The following PRKCE variants were observed in gnomAD, a reference collection of about 807,000 sequenced individuals.
The protein encoded by PRKCE is protein kinase C epsilon type.
Under a neutral mutation model 85.4 loss-of-function variants are expected in PRKCE, and 16 were observed. The observed-to-expected ratio is 0.19, with a 90% CI of 0.13 to 0.28. PRKCE has a LOEUF of 0.28. Among genes scored for constraint, PRKCE ranks in the 10% least tolerant of loss-of-function variants. PRKCE has a pLI of 1.00. For missense variants in PRKCE, 573 were observed against 975.2 expected, an observed-to-expected ratio of 0.59 and a Z score of 5.49; for synonymous variants, 388 against 371.5, an observed-to-expected ratio of 1.04 and a Z score of -0.51.
intron 14 of PRKCE, among the ~76,000 whole-genome samples, chr2:46,170,947 A>C (rs1678834024): frequency 6.6e-6 from 1 of 152,234 alleles, no homozygotes; most frequent in Non-Finnish European, 1.5e-5. Flanking sequence ...TTGGATACCA[A>C]AAATGTCCCT....
chr2:45,693,691 C>G (rs1677919925), intron 1 of PRKCE, among the ~76,000 whole-genome samples: 1 of 152,078 alleles, frequency 6.6e-6, no homozygotes, highest in Non-Finnish European at 1.5e-5. Context: ...GGGGCAGAAT[C>G]CAAATTGCAA....
At chr2:45,901,505 T>C (rs1273744942) in intron 2 of PRKCE, among the ~76,000 whole-genome samples, 1 of 152,242 alleles carries the variant, frequency 6.6e-6, no homozygotes, top group African/African-American at 2.4e-5. Context: ...GTATGGCTGA[T>C]AGATTTTTAA....
rs1329498660 is a variant in PRKCE, at chr2:46,139,351, A to G, written c.1593-5742A>G. Among the ~76,000 whole-genome samples the G allele has an allele frequency of 1.3e-5, 2 of 152,182 alleles. No individual in the cohort carries two copies. The highest frequency in any genetic ancestry group is 4.8e-5 in the African/African-American group (2 of 41,448). ...GGCACAGAATGATAAACATAAATCAATACCTAGCCTATACATGTGTGAGCA... is the reference window on the plus strand; with the variant it reads ...GGCACAGAATGATAAACATAAATCAGTACCTAGCCTATACATGTGTGAGCA... On this transcript the variant is annotated intron_variant, in intron 11 of 14. Coordinates refer to ENST00000306156, the MANE Select transcript of PRKCE (RefSeq NM_005400.3). This position sits in a 1 kb window ranked among gnomAD's most constrained non-coding sequence, Gnocchi z 5.2.
intron 11 of PRKCE, among the ~76,000 whole-genome samples, chr2:46,090,206 A>G (rs1425647062): frequency 6.6e-6 from 1 of 152,206 alleles, no homozygotes; most frequent in Admixed American, 6.5e-5. Flanking sequence ...TTGATTCAAT[A>G]GACCTGATAT....
chr2:46,130,915 C>A (rs1167389206), intron 11 of PRKCE, among the ~76,000 whole-genome samples: 1 of 152,206 alleles, frequency 6.6e-6, no homozygotes. Flanking sequence ...ACTTCCATGA[C>A]CTGAATCATA....
chr2:45,973,452 C>T (rs1034866950), intron 2 of PRKCE, among the ~76,000 whole-genome samples: 5 of 152,310 alleles, frequency 3.3e-5, no homozygotes, highest in Admixed American at 2.0e-4. Context: ...CTCCTGTGAC[C>T]TTCTGTTTTT....
At chr2:45,808,169 C>T (rs1318967334) in intron 1 of PRKCE, among the ~76,000 whole-genome samples, 5 of 152,096 alleles carry the variant, frequency 3.3e-5, no homozygotes. Context: ...TTCCCCCAAG[C>T]CAGAGTTATA....
intron 1 of PRKCE, among the ~76,000 whole-genome samples, chr2:45,819,908 G>T (rs1284996940): frequency 6.6e-6 from 1 of 152,126 alleles, no homozygotes; most frequent in Non-Finnish European, 1.5e-5. Flanking sequence ...GCTGGTTTGG[G>T]GCTGTGTCAT....
chr2:45,748,968 C>A (rs900378901), intron 1 of PRKCE, among the ~76,000 whole-genome samples: 3 of 151,154 alleles, frequency 2.0e-5, no homozygotes, highest in Non-Finnish European at 4.4e-5. Context: ...TGGCTCACTG[C>A]AACCTCTGCC....
rs114497484 is a variant in PRKCE, at chr2:45,850,902, C to A, written c.412+7839C>A. ...ATTTGCTTATCTAATATATACGAGG[C>A]CCTGGGGATGTAGAGCTAATGAACA... On this transcript the variant is annotated intron_variant, in intron 2 of 14. Transcript: ENST00000306156. 3.4e-3 allele frequency among the ~76,000 whole-genome samples: 516 copies of A among 152,248 alleles called. 3 individuals are homozygous for A. The highest frequency in any genetic ancestry group is 0.012 in the African/African-American group (481 of 41,540).
intron 6 of PRKCE, among the ~76,000 whole-genome samples, chr2:45,991,188 G>A (rs1214947514): frequency 2.7e-5 from 4 of 149,470 alleles, no homozygotes; most frequent in African/African-American, 9.9e-5. Flanking sequence ...TACATTTTTA[G>A]TAGAGATGGG....
At chr2:46,093,913 G>A (rs1218792196) in intron 11 of PRKCE, among the ~76,000 whole-genome samples, 4 of 152,050 alleles carry the variant, frequency 2.6e-5, no homozygotes, top group African/African-American at 9.7e-5. Flanking sequence ...ATACCATTTG[G>A]AATTCAGTTA....
At chr2:45,979,613 T>G (rs2595211) in intron 4 of PRKCE, among the ~76,000 whole-genome samples, 32,227 of 152,184 alleles carry the variant, frequency 0.21, 4,547 homozygotes, top group East Asian at 0.56. Flanking sequence ...GTGGTTTTGC[T>G]GAGGTTAGAG....
chr2:45,853,293 T>C (rs1692422620), intron 2 of PRKCE, among the ~76,000 whole-genome samples: 1 of 152,210 alleles, frequency 6.6e-6, no homozygotes, highest in Admixed American at 6.5e-5. Flanking sequence ...AAGGTCAAAA[T>C]GGACAACATC....
At chr2:45,766,372 A>G (rs1684909253) in intron 1 of PRKCE, among the ~76,000 whole-genome samples, 1 of 152,206 alleles carries the variant, frequency 6.6e-6, no homozygotes, top group Non-Finnish European at 1.5e-5. Context: ...GAGGCCTAGT[A>G]CTTTCTCAAT....
At chr2:45,727,957 C>T (rs1031388293) in intron 1 of PRKCE, among the ~76,000 whole-genome samples, 1 of 152,124 alleles carries the variant, frequency 6.6e-6, no homozygotes, top group Non-Finnish European at 1.5e-5. Context: ...CCAGCCAGGG[C>T]ATGTATTTTT....
chr2:45,705,071 C>G (rs939966591), intron 1 of PRKCE, among the ~76,000 whole-genome samples: 26 of 152,198 alleles, frequency 1.7e-4, no homozygotes, highest in African/African-American at 4.1e-4. Flanking sequence ...TTAAAACTTA[C>G]AAATGCCAGA....
intron 1 of PRKCE, among the ~76,000 whole-genome samples, chr2:45,821,680 T>C (rs543198158): frequency 6.6e-6 from 1 of 152,000 alleles, no homozygotes; most frequent in Non-Finnish European, 1.5e-5. Context: ...GGCCTGAGCA[T>C]TGGGCACTGG....
chr2:46,173,525 A>G (rs1679122894), intron 14 of PRKCE, among the ~76,000 whole-genome samples: 1 of 152,248 alleles, frequency 6.6e-6, no homozygotes, highest in Admixed American at 6.5e-5. Flanking sequence ...CACTTTACCA[A>G]TAGCAGACAA....
Sources: allele counts gnomAD v4.1 joint callset (sites outside exome capture counted in the v4.1 genomes callset), GRCh38; gene constraint gnomAD v4.1.1; non-coding constraint Gnocchi (gnomAD v3.1); transcripts MANE v1.5; gene names NCBI Gene and HGNC (gene_info 2026-07-23, HGNC 2026-07-21).